Variants in ERI1 observed in about 807,000 individuals in gnomAD.
ERI1 encodes the protein exoribonuclease 1.
In ERI1, 39 loss-of-function variants were observed where a neutral mutation model predicts 39.7. The observed-to-expected ratio is 0.98, with a 90% CI of 0.76 to 1.28. The LOEUF (loss-of-function observed/expected upper bound fraction) is 1.28, where lower values mean the gene tolerates loss of function less well. ERI1 is among the 50% of genes most tolerant of loss of function. The pLI is 0.00. For missense variants in ERI1, 581 were observed against 416.9 expected, an observed-to-expected ratio of 1.39 and a Z score of -3.43; for synonymous variants, 204 against 149.6, an observed-to-expected ratio of 1.36 and a Z score of -2.65.
chr8:9,003,339 C>T (rs1025195680), intron 1 of ERI1, among the ~76,000 whole-genome samples, 168 bp downstream of exon 1: 4 of 152,230 alleles, frequency 2.6e-5, no homozygotes, highest in African/African-American at 4.8e-5. Context: ...GGGTGGGTGT[C>T]TTGGAGCCCC....
chr8:9,005,412 G>A (rs777721928), intron 1 of ERI1, among the ~76,000 whole-genome samples: 1 of 136,974 alleles, frequency 7.3e-6, no homozygotes, highest in Non-Finnish European at 1.7e-5. Flanking sequence ...ATCAAGCTCC[G>A]GTACCCTTCC....
chr8:9,004,078 C>T (rs763478565), intron 1 of ERI1: 6 of 1,289,270 alleles, frequency 4.7e-6, no homozygotes, highest in Non-Finnish European at 6.1e-6. Flanking sequence ...TCCCAGTGCC[C>T]CTCGCTGCCT....
chr8:9,008,460 A>G (rs1816286597), intron 2 of ERI1, among the ~76,000 whole-genome samples: 1 of 152,208 alleles, frequency 6.6e-6, no homozygotes, highest in African/African-American at 2.4e-5. Flanking sequence ...GGATAGTTAT[A>G]TTAGTGAGAT....
chr8:9,004,541 C>T (rs1289892256), intron 1 of ERI1, among the ~76,000 whole-genome samples: 2 of 142,266 alleles, frequency 1.4e-5, no homozygotes, highest in Non-Finnish European at 3.0e-5. Context: ...TGCCCTCTCC[C>T]GTAGTCCCAG....
chr8:9,055,983 A>C (rs1313298268), intron 3 of ERI1, among the ~76,000 whole-genome samples: 3 of 152,232 alleles, frequency 2.0e-5, no homozygotes, highest in Non-Finnish European at 4.4e-5. Flanking sequence ...GGGGAAGGTC[A>C]GAGAGAAACT....
intron 3 of ERI1, among the ~76,000 whole-genome samples, chr8:9,075,937 T>C (rs985907018): frequency 2.6e-5 from 4 of 151,750 alleles, no homozygotes; most frequent in African/African-American, 9.7e-5. Flanking sequence ...TGCACTTGGC[T>C]TTTTTTTGGA....
At chr8:9,024,315 A>G (rs1818237418) in intron 6 of ERI1, among the ~76,000 whole-genome samples, 1 of 152,194 alleles carries the variant, frequency 6.6e-6, no homozygotes, top group Non-Finnish European at 1.5e-5. Context: ...GAAATCCCAA[A>G]CTTTCTTTGT....
chr8:9,006,709 C>G (rs1420778770), intron 1 of ERI1, among the ~76,000 whole-genome samples: 1 of 152,084 alleles, frequency 6.6e-6, no homozygotes, highest in East Asian at 1.9e-4. Context: ...AACAAGGAAC[C>G]TCAGTGTGGC....
chr8:9,029,518 A>T (rs1422705337), intron 6 of ERI1, among the ~76,000 whole-genome samples: 1 of 152,022 alleles, frequency 6.6e-6, no homozygotes, highest in Non-Finnish European at 1.5e-5. Flanking sequence ...TTAAGAAGAG[A>T]TGGGGTGTCA....
chr8:9,093,934 G>A (rs895915893), intron 3 of ERI1, among the ~76,000 whole-genome samples: 2 of 152,178 alleles, frequency 1.3e-5, no homozygotes, highest in African/African-American at 4.8e-5. Context: ...TTTACAGGAA[G>A]AAGCCTGTGT....
chr8:9,033,866 T>C (rs34251783), downstream of ERI1, among the ~76,000 whole-genome samples: 70,647 of 151,588 alleles, frequency 0.47, 17,982 homozygotes, highest in African/African-American at 0.63. Flanking sequence ...TCTTCCTGTA[T>C]GGTTTAAACT....
chr8:9,098,061 G>T (rs2117497872), intron 3 of ERI1, among the ~76,000 whole-genome samples: 1 of 152,342 alleles, frequency 6.6e-6, no homozygotes, highest in Non-Finnish European at 1.5e-5. Flanking sequence ...CTAAGTGGGA[G>T]CTAAGCTATG....
chr8:9,074,098 G>T (rs1309540944), intron 3 of ERI1, among the ~76,000 whole-genome samples: 8 of 150,840 alleles, frequency 5.3e-5, no homozygotes, highest in Non-Finnish European at 8.9e-5. Flanking sequence ...ATACTTTTTT[G>T]TGTGTGTTAT....
At chr8:9,037,893 A>T (rs890568696), downstream of ERI1, among the ~76,000 whole-genome samples, 21 of 71,052 alleles carry the variant, frequency 3.0e-4, no homozygotes, top group African/African-American at 9.2e-4. Context: ...TGCTGATTTA[A>T]AAAAAAAAAA....
chr8:9,017,650 A>G (rs1190241196), intron 4 of ERI1, among the ~76,000 whole-genome samples: 1 of 152,154 alleles, frequency 6.6e-6, no homozygotes, highest in Non-Finnish European at 1.5e-5. Context: ...TGAGTCATGA[A>G]AGATAGGTAG....
intron 6 of ERI1, among the ~76,000 whole-genome samples, chr8:9,027,897 C>A (rs191599151): frequency 6.6e-6 from 1 of 152,274 alleles, no homozygotes; most frequent in African/African-American, 2.4e-5. Context: ...AATGTTGAGC[C>A]ATCCTTGCAT....
At chr8:9,074,715 G>A (rs542051105) in intron 3 of ERI1, among the ~76,000 whole-genome samples, 3 of 152,308 alleles carry the variant, frequency 2.0e-5, no homozygotes, top group South Asian at 2.1e-4. Flanking sequence ...GGTTACAGGC[G>A]TGAGCCACTG....
Position 9,004,618 on chromosome 8 carries a change from C to T in ERI1, c.108+1447C>T, listed in dbSNP as rs187939793. On this transcript the variant is annotated intron_variant, in intron 1 of 6. Coordinates refer to ENST00000250263, the MANE Select transcript of ERI1 (RefSeq NM_153332.4). ...GGTGGAGGCTGCAGTGAGCTGTGAT[C>T]GTGCCACTGCACTCCAACCTGGGTG... Among the ~76,000 whole-genome samples, 416 of 149,384 alleles carry T rather than the reference C, an allele frequency of 2.8e-3. 1 individual carries two copies. Among genetic ancestry groups the T allele is most frequent in the African/African-American group, 9.3e-3 (379 of 40,590 alleles).
At chr8:9,006,320 C>G (rs1027761846) in intron 1 of ERI1, among the ~76,000 whole-genome samples, 3 of 152,140 alleles carry the variant, frequency 2.0e-5, no homozygotes, top group Non-Finnish European at 4.4e-5. Flanking sequence ...GCAAATTTTT[C>G]TTTATGGAAG....
Sources: allele counts gnomAD v4.1 joint callset (sites outside exome capture counted in the v4.1 genomes callset), GRCh38; gene constraint gnomAD v4.1.1; transcripts MANE v1.5; gene names NCBI Gene and HGNC (gene_info 2026-07-23, HGNC 2026-07-21).